Variants in KLHL21 observed in about 807,000 individuals in gnomAD.
KLHL21 encodes the protein kelch-like protein 21.
Under a neutral mutation model 44.1 loss-of-function variants are expected in KLHL21, and 42 were observed. The observed-to-expected ratio is 0.95, with a 90% CI of 0.74 to 1.23. The LOEUF (loss-of-function observed/expected upper bound fraction) is 1.23. Ranked by LOEUF, KLHL21 falls within the 50% of genes most tolerant of loss-of-function variation. The probability of loss-of-function intolerance (pLI) is 0.00; values close to 1 mark genes in which losing one functional copy is unlikely to be tolerated. For missense variants in KLHL21, 918 were observed against 889.1 expected (o/e 1.03, Z -0.41); for synonymous variants, 524 against 411.6 (o/e 1.27, Z -3.31).
Position 6,593,080 on chromosome 1 carries a change from G to C in KLHL21, c.*285C>G. On this transcript the variant is annotated 3_prime_UTR_variant, in exon 4 of 4. Coordinates refer to ENST00000377658, the MANE Select transcript of KLHL21 (RefSeq NM_014851.4). ...GGCAGGAGGGGTGTGCGCCGCGTGGGTGAGCTGTGATCCGCGGGGTGGGGG... is the reference window on the plus strand; with the variant it reads ...GGCAGGAGGGGTGTGCGCCGCGTGGCTGAGCTGTGATCCGCGGGGTGGGGG... The C allele has an allele frequency of 2.2e-6, 1 of 455,214 alleles. No individual in the cohort carries two copies. Among genetic ancestry groups the C allele is most frequent in the Non-Finnish European group, 4.0e-6 (1 of 251,662 alleles). The allele number at this position is 455,214 out of a possible 1,614,324, so 28.2% of individuals were successfully genotyped here.
intron 3 of KLHL21, chr1:6,594,042 G>A: frequency 9.7e-7 from 1 of 1,036,076 alleles, no homozygotes; most frequent in Non-Finnish European, 1.2e-6. Flanking sequence ...GGCAGAGCTG[G>A]GCTCTGAACC....
In KLHL21 at chr1:6,602,632, G is replaced by C; in HGVS notation, c.186C>G (p.Arg62=). ...CGCGCAGCTGCCCCGCGAACATGGC[G>C]CGGAAGTAGGGGCTGGCGGCGGCCA... ...AVLAAASPYF[R]AMFAGQLRES... The change falls in exon 1 of 4, where the codon CGC becomes CGG. Residue 62 remains arginine, a synonymous_variant. Transcript: ENST00000377658. 3 of 1,518,476 alleles carry C rather than the reference G, an allele frequency of 2.0e-6. No individual in the cohort carries two copies. The highest frequency in any genetic ancestry group is 2.6e-6 in the Non-Finnish European group (3 of 1,139,232). 94.1% of individuals were successfully genotyped at this position (1,518,476 alleles called of 1,614,324 possible). A position where few individuals can be genotyped will look rare whatever the true frequency, so the allele number is the denominator to read the frequency against.
At position 6,592,321 on chromosome 1, in the gene KLHL21, T is replaced by C. The variant is rs762556890; in HGVS notation, c.*1044A>G. On this transcript the variant is annotated 3_prime_UTR_variant, in exon 4 of 4. Coordinates refer to ENST00000377658, the MANE Select transcript of KLHL21 (RefSeq NM_014851.4). ...CAAGGACAAAAACTCAAGCCAAGGC[T>C]ACTTTGGGTACTTTGAGGGGAAACT... The C allele has an allele frequency of 1.3e-5, 2 of 152,234 alleles. No homozygotes were observed. The highest frequency in any genetic ancestry group is 6.5e-5 in the Admixed American group (1 of 15,282). 9.4% of individuals were successfully genotyped at this position (152,234 alleles called of 1,614,324 possible).
Position 6,599,066 on chromosome 1 carries a change from C to T in KLHL21, c.1408G>A (p.Gly470Arg), listed in dbSNP as rs761654236. The change falls in exon 2 of 4, where the codon GGA (glycine) becomes AGA (arginine). Residue 470 changes from glycine to arginine, a missense_variant. Physicochemically the swap from Gly to Arg is moderately radical, Grantham distance 125. Coordinates refer to ENST00000377658, the MANE Select transcript of KLHL21 (RefSeq NM_014851.4). Reference sequence around the variant, plus strand: ...ACTCACCTGACAAAGTACATGAGTCCGTTTAGAGTCGCAGTCTTGGGGGCG... The same window carrying T: ...ACTCACCTGACAAAGTACATGAGTCTGTTTAGAGTCGCAGTCTTGGGGGCG... ...SFAPKTATLN[G>R]LMYFVRDDSA... is the part of the protein sequence containing the mutation. 38 of 1,593,776 alleles carry T rather than the reference C, an allele frequency of 2.4e-5. No individual in the cohort carries two copies. The highest frequency in any genetic ancestry group is 1.7e-4 in the Middle Eastern group (1 of 5,996).
chr1:6,601,948 G>A lies in KLHL21; in HGVS notation c.870C>T (p.Leu290=), dbSNP rs1345887070. ...CACAGTCCTGGTCGCAGCCGCCCAC[G>A]AGCACGAGGATCTCGGCGAGACCGG... is the stretch of plus-strand genomic sequence containing the variant. The part of the protein sequence containing the change: ...PSTGLAEILV[L]VGGCDQDCDE... Residue 290 remains leucine (L), a synonymous_variant, in exon 1 of 4, where the codon CTC becomes CTT. Transcript: ENST00000377658. The A allele has an allele frequency of 3.2e-6, 5 of 1,559,980 alleles. 1 individual carries two copies. In the South Asian group the frequency reaches 3.5e-5, roughly 11 times the overall value.
At position 6,591,003 on chromosome 1, in the gene KLHL21, T is replaced by C. The variant is rs1640840555; in HGVS notation, c.*2362A>G. On this transcript the variant is annotated 3_prime_UTR_variant, in exon 4 of 4. Coordinates refer to ENST00000377658, the MANE Select transcript of KLHL21 (RefSeq NM_014851.4). ...TGTGCTGTAGACAAAGTTCTGTACA[T>C]GTAACATGTGGCCATGCCCAGGCAT... 2 of 398,586 alleles carry C rather than the reference T, an allele frequency of 5.0e-6. No homozygotes were observed. The highest frequency in any genetic ancestry group is 4.4e-6 in the Non-Finnish European group (1 of 226,096). 24.7% of individuals were successfully genotyped at this position (398,586 alleles called of 1,614,324 possible).
Position 6,602,225 on chromosome 1 carries a change from G to A in KLHL21, c.593C>T (p.Ala198Val). The A allele has an allele frequency of 6.6e-7, 1 of 1,523,242 alleles. No individual in the cohort carries two copies. The highest frequency in any genetic ancestry group is 8.8e-7 in the Non-Finnish European group (1 of 1,142,258). The allele number at this position is 1,523,242 out of a possible 1,614,324, so 94.4% of individuals were successfully genotyped here. Residue 198 changes from alanine (A) to valine (V), a missense_variant, in exon 1 of 4, where the codon GCC becomes GTC. By Grantham distance (64) the Ala-to-Val change is moderately conservative. Coordinates refer to ENST00000377658, the MANE Select transcript of KLHL21 (RefSeq NM_014851.4). ...DGLCVPKEEA[A>V]YQLALRWVRA... is the part of the protein sequence containing the mutation. ...GACCCAGCGCAGCGCCAGCTGGTAG[G>A]CGGCCTCCTCCTTGGGCACACACAG... is the stretch of plus-strand genomic sequence containing the variant.
At position 6,599,400 on chromosome 1, in the gene KLHL21, G is replaced by T. The variant is rs143989562; in HGVS notation, c.1074C>A (p.Ser358Arg). ...LYDCVWRYNS[S>R]VNEWAEVAPM... ...GCGCCACCTCCGCCCACTCATTCAC[G>T]CTTGAGTTGTACCTCCACACGCAGT... Residue 358 changes from serine (S) to arginine (R), a missense_variant, in exon 2 of 4, where the codon AGC becomes AGA. Ser to Arg is a moderately radical substitution (Grantham distance 110). Transcript: ENST00000377658. 1 of 1,613,338 alleles carries T rather than the reference G, an allele frequency of 6.2e-7. No individual in the cohort carries two copies. The highest frequency in any genetic ancestry group is 8.5e-7 in the Non-Finnish European group (1 of 1,179,930).
intron 1 of KLHL21, chr1:6,599,730 CG>C (rs1329512168): frequency 4.2e-6 from 2 of 471,648 alleles, no homozygotes; most frequent in Non-Finnish European, 7.7e-6. Flanking sequence ...CTCTGGACAC[CG>C]CCCCCCAGCC....
chr1:6,602,196 C>A lies in KLHL21; in HGVS notation c.622G>T (p.Ala208Ser). 6.7e-7 allele frequency: 1 copy of A among 1,502,434 alleles called. No homozygotes were observed. The allele number at this position is 1,502,434 out of a possible 1,614,324, so 93.1% of individuals were successfully genotyped here. Residue 208 changes from alanine (A) to serine (S), a missense_variant, in exon 1 of 4, where the codon GCT (alanine) becomes TCT (serine). Coordinates refer to ENST00000377658, the MANE Select transcript of KLHL21 (RefSeq NM_014851.4). Reference sequence around the variant, plus strand: ...TGCGCGGCGCGGCGCGGCGGGTCAGCGCGGACCCAGCGCAGCGCCAGCTGG... The same window carrying A: ...TGCGCGGCGCGGCGCGGCGGGTCAGAGCGGACCCAGCGCAGCGCCAGCTGG... ...AYQLALRWVR[A>S]DPPRRAAHWP...
intron 2 of KLHL21, among the ~76,000 whole-genome samples, chr1:6,598,656 A>G (rs890208781): frequency 2.6e-5 from 4 of 152,098 alleles, no homozygotes; most frequent in African/African-American, 4.8e-5. Flanking sequence ...GCCAAGGCGG[A>G]CCGATCATGA....
intron 2 of KLHL21, among the ~76,000 whole-genome samples, chr1:6,596,837 G>C (rs1640934853): frequency 6.6e-6 from 1 of 152,248 alleles, no homozygotes; most frequent in Non-Finnish European, 1.5e-5. Flanking sequence ...GAACCAAGGG[G>C]AGGGAGGCCC....
At chr1:6,598,791 G>A (rs1370265418) in intron 2 of KLHL21, among the ~76,000 whole-genome samples, 2 of 152,236 alleles carry the variant, frequency 1.3e-5, no homozygotes, top group African/African-American at 2.4e-5. Flanking sequence ...GCTGAGGCAG[G>A]AGAATGGCGT....
chr1:6,601,623 C>T, intron 1 of KLHL21, among the ~76,000 whole-genome samples, 174 bp downstream of exon 1: 1 of 152,208 alleles, frequency 6.6e-6, no homozygotes, highest in Non-Finnish European at 1.5e-5. Flanking sequence ...ACACAAGGGG[C>T]CCTTCTTCAA....
rs1260834333 is a variant in KLHL21, at chr1:6,590,904, A to C, written c.*2461T>G. On this transcript the variant is annotated 3_prime_UTR_variant, in exon 4 of 4. Coordinates refer to ENST00000377658, the MANE Select transcript of KLHL21 (RefSeq NM_014851.4). ...GTCCTTTATTACATACGCGTCTCTGAAGTCATATAAATATAGAATACCTTA... is the reference window on the plus strand; with the variant it reads ...GTCCTTTATTACATACGCGTCTCTGCAGTCATATAAATATAGAATACCTTA... The C allele has an allele frequency of 2.5e-6, 1 of 398,642 alleles. No homozygotes were observed. Among genetic ancestry groups the C allele is most frequent in the Non-Finnish European group, 4.4e-6 (1 of 226,062 alleles). 24.7% of individuals were successfully genotyped at this position (398,642 alleles called of 1,614,324 possible).
In KLHL21 at chr1:6,601,829, A is replaced by G; in HGVS notation, c.989T>C (p.Ile330Thr). The change falls in exon 1 of 4, where the codon ATC (isoleucine) becomes ACC (threonine). Residue 330 changes from isoleucine (I) to threonine (T), a missense_variant. Ile to Thr is a moderately conservative substitution (Grantham distance 89, BLOSUM62 -1). Coordinates refer to ENST00000377658, the MANE Select transcript of KLHL21 (RefSeq NM_014851.4). ...GTAGATGTCATTGCCCAGCGCCACG[A>G]TGCTGTAGCCTCCGCCCAGGTGGTC... is the stretch of plus-strand genomic sequence containing the variant. The part of the protein sequence containing the change: ...FPDHLGGGYS[I>T]VALGNDIYVT... The G allele has an allele frequency of 1.9e-6, 3 of 1,586,278 alleles. No individual in the cohort carries two copies. The highest frequency in any genetic ancestry group is 2.6e-6 in the Non-Finnish European group (3 of 1,167,052).
Position 6,601,899 on chromosome 1 carries a change from A to T in KLHL21, c.919T>A (p.Tyr307Asn). The change falls in exon 1 of 4, where the codon TAC becomes AAC. Residue 307 changes from tyrosine to asparagine, a missense_variant. Tyr to Asn is a moderately radical substitution (Grantham distance 143). Coordinates refer to ENST00000377658, the MANE Select transcript of KLHL21 (RefSeq NM_014851.4). ...CGCCACTGACCCGTCTGCGGGTTGT[A>T]GCAGTCGACAGTGACCAGCTCGTCA... ...DCDELVTVDC[Y>N]NPQTGQWRYL... 6.4e-7 allele frequency: 1 copy of T among 1,566,390 alleles called. No homozygotes were observed. Among genetic ancestry groups the T allele is most frequent in the Non-Finnish European group, 8.6e-7 (1 of 1,156,362 alleles).
At position 6,593,493 on chromosome 1, in the gene KLHL21, C is replaced by T; in HGVS notation, c.1666G>A (p.Val556Ile). 6.2e-7 allele frequency: 1 copy of T among 1,613,842 alleles called. No homozygotes were observed. Among genetic ancestry groups the T allele is most frequent in the African/African-American group, 1.3e-5 (1 of 75,062 alleles). ...LPEPTFWHGSVSIFRQFMPQT... is the reference protein window; with the variant it reads ...LPEPTFWHGSISIFRQFMPQT... ...GGCATGAACTGGCGGAAGATGCTGA[C>T]ACTGCCATGCCAGAAGGTGGGTTCT... The change falls in exon 4 of 4, where the codon GTC (valine) becomes ATC (isoleucine). Residue 556 changes from valine (V) to isoleucine (I), a missense_variant. Val to Ile is a conservative substitution (Grantham distance 29). Transcript: ENST00000377658.
rs773348504 is a variant in KLHL21 at position 6,602,845 on chromosome 1, C to T, written c.-28G>A. 5.7e-6 allele frequency: 8 copies of T among 1,400,868 alleles called. No homozygotes were observed. The South Asian group carries it at 6.2e-5, about 11-fold the overall frequency. 86.8% of individuals were successfully genotyped at this position (1,400,868 alleles called of 1,614,324 possible). A position where few individuals can be genotyped will look rare whatever the true frequency, so the allele number is the denominator to read the frequency against. ...CGCCTTCGATAGGTTGTCGAGGACG[C>T]CGCGGCCGGGGCCTGCGGAGAGACG... On this transcript the variant is annotated 5_prime_UTR_variant, in exon 1 of 4. Transcript: ENST00000377658.
Sources: allele counts gnomAD v4.1 joint callset (sites outside exome capture counted in the v4.1 genomes callset), GRCh38; gene constraint gnomAD v4.1.1; transcripts MANE v1.5; gene names NCBI Gene and HGNC (gene_info 2026-07-23, HGNC 2026-07-21).